Variants in VNN2 observed in about 807,000 individuals in gnomAD.
The protein encoded by VNN2 is vanin 2.
Under a neutral mutation model 43.0 loss-of-function variants are expected in VNN2, and 43 were observed. That is an observed-to-expected ratio of 1.00 (90% CI 0.78 to 1.29). The LOEUF is 1.29. VNN2 is among the 50% of genes most tolerant of loss of function. VNN2 has a pLI of 0.00. For synonymous variants in VNN2, 230 were observed against 224.3 expected (o/e 1.03, Z -0.23); for missense variants, 652 against 619.7 (o/e 1.05, Z -0.55).
chr6:132,755,311 G>C (rs941792940), intron 3 of VNN2, among the ~76,000 whole-genome samples: 3 of 139,006 alleles, frequency 2.2e-5, no homozygotes, highest in Admixed American at 7.2e-5. Flanking sequence ...TTTTTTAACA[G>C]TTCTCTGCCT....
intron 6 of VNN2, among the ~76,000 whole-genome samples, chr6:132,746,673 G>A (rs1022798667): frequency 6.6e-6 from 1 of 152,052 alleles, no homozygotes; most frequent in African/African-American, 2.4e-5. Context: ...TTCCAAGAAT[G>A]CCCAACTCCT....
In VNN2 at chr6:132,744,285, T is replaced by G; in HGVS notation, c.*15A>C. 5.6e-6 allele frequency: 9 copies of G among 1,593,184 alleles called. No homozygotes were observed. Among genetic ancestry groups the G allele is most frequent in the Non-Finnish European group, 7.7e-6 (9 of 1,173,152 alleles). ...CCAAGCATATGATGCAGAAGCTGAG[T>G]GATAAAGAGACGCCCTATAACATTA... On this transcript the variant is annotated 3_prime_UTR_variant, in exon 7 of 7. Transcript: ENST00000326499.
chr6:132,762,436 C>G (rs962162339), upstream of VNN2, among the ~76,000 whole-genome samples: 29 of 152,182 alleles, frequency 1.9e-4, no homozygotes, highest in African/African-American at 6.5e-4. Flanking sequence ...AACTGTTCCT[C>G]TTAATACTGT....
At chr6:132,755,197 G>T (rs925159240) in intron 3 of VNN2, among the ~76,000 whole-genome samples, 7 of 151,310 alleles carry the variant, frequency 4.6e-5, no homozygotes, top group Non-Finnish European at 8.8e-5. Flanking sequence ...TTGAAACAGT[G>T]CCCAGATTAT....
chr6:132,759,438 CAAAAAAAA>C (rs58195059), upstream of VNN2, among the ~76,000 whole-genome samples: 392 of 69,172 alleles, frequency 5.7e-3, no homozygotes, highest in African/African-American at 0.018. Flanking sequence ...AACTCCGTCT[CAAAAAAAA>C]AAAAAAAAAA....
chr6:132,746,220 A>G (rs998854314), intron 6 of VNN2, among the ~76,000 whole-genome samples: 4 of 152,212 alleles, frequency 2.6e-5, no homozygotes, highest in Admixed American at 2.6e-4. Flanking sequence ...ATGTTTCCAC[A>G]TTTGTGGGCA....
chr6:132,761,240 G>A (rs1780731107), upstream of VNN2, among the ~76,000 whole-genome samples: 1 of 151,888 alleles, frequency 6.6e-6, no homozygotes, highest in South Asian at 2.1e-4. Flanking sequence ...TTGATTAATT[G>A]TAATTCGTTG....
In VNN2 at chr6:132,744,405, CT is replaced by C. The variant is rs1562238888; in HGVS notation, c.1457del (p.Lys486ArgfsTer15). ...TVSLFGRWYT[K>X]DSLYSSCGTS... ...TCCCACATGAGCTGTAAAGTGAGTC[CT>C]TTGTGTACCACCTCCCAAAGAGTGA... is the stretch of plus-strand genomic sequence containing the variant. On this transcript the variant is annotated frameshift_variant, in exon 7 of 7. Transcript: ENST00000326499. LOFTEE classifies it low-confidence loss of function (END_TRUNC). 6.2e-7 allele frequency: 1 copy of C among 1,613,436 alleles called. No homozygotes were observed. The highest frequency in any genetic ancestry group is 8.5e-7 in the Non-Finnish European group (1 of 1,179,752).
At chr6:132,747,717 A>G (rs1158661355) in intron 6 of VNN2, among the ~76,000 whole-genome samples, 5 of 152,228 alleles carry the variant, frequency 3.3e-5, no homozygotes, top group African/African-American at 1.2e-4. Flanking sequence ...CTCTTGTATC[A>G]TTCTCTAACT....
intron 6 of VNN2, among the ~76,000 whole-genome samples, chr6:132,745,154 C>T (rs902737784): frequency 1.3e-5 from 2 of 152,092 alleles, no homozygotes; most frequent in East Asian, 1.9e-4. Context: ...TGCACAGGCT[C>T]ATGAGAACAG....
At chr6:132,749,620 A>T in intron 6 of VNN2, 75 bp downstream of exon 6, 1 of 1,364,448 alleles carries the variant, frequency 7.3e-7, no homozygotes. Context: ...GTTAACTGGC[A>T]GAGTGGCTAT....
In VNN2 at chr6:132,752,747, G is replaced by T. The variant is rs764122714; in HGVS notation, c.540C>A (p.Tyr180Ter). The stretch of plus-strand genomic sequence containing the variant: ...TAAACTGAGGCTCAGAGTACAGGTG[G>T]TACTACAACAAATGGATAGGAGAAA... ...EGKLVARYHK[Y>*]HLYSEPQFNV... The change falls in exon 4 of 7, where the codon TAC becomes TAA. Residue 180 changes from tyrosine (Y) to a stop codon, truncating the protein, a stop_gained and splice_region_variant. Coordinates refer to ENST00000326499, the MANE Select transcript of VNN2 (RefSeq NM_004665.6). LOFTEE classifies it high-confidence loss of function. The T allele has an allele frequency of 3.7e-6, 6 of 1,610,440 alleles. No homozygotes were observed. The highest frequency in any genetic ancestry group is 5.1e-6 in the Non-Finnish European group (6 of 1,178,462).
chr6:132,758,007 T>A, upstream of VNN2: 1 of 186,196 alleles, frequency 5.4e-6, no homozygotes, highest in Non-Finnish European at 8.4e-6. Flanking sequence ...ATTTTTCTTC[T>A]TCTTCTTCTT....
upstream of VNN2, among the ~76,000 whole-genome samples, chr6:132,759,454 A>C (rs888446244): frequency 7.4e-5 from 11 of 148,730 alleles, no homozygotes; most frequent in Non-Finnish European, 1.7e-4. Context: ...AAAAAAAAAA[A>C]AAAAAAACAA....
intron 4 of VNN2, 115 bp downstream of exon 4, chr6:132,752,346 T>C (rs1406071226): frequency 1.6e-6 from 2 of 1,259,252 alleles, no homozygotes; most frequent in African/African-American, 1.5e-5. Context: ...TGTGAAACTA[T>C]GACAAACACA....
upstream of VNN2, among the ~76,000 whole-genome samples, chr6:132,759,332 G>C (rs1007109580): frequency 6.6e-6 from 1 of 151,162 alleles, no homozygotes; most frequent in Non-Finnish European, 1.5e-5. Context: ...CCAGCTACTC[G>C]GGAGGCTGAG....
At chr6:132,745,078 C>A (rs1190903856) in intron 6 of VNN2, among the ~76,000 whole-genome samples, 2 of 152,174 alleles carry the variant, frequency 1.3e-5, no homozygotes. Flanking sequence ...GTGTGTGTGA[C>A]AGATCAAGGC....
chr6:132,750,670 AAAAAAGAAAAAGAAAAG>A (rs1411687151), intron 5 of VNN2, among the ~76,000 whole-genome samples: 1 of 150,404 alleles, frequency 6.6e-6, no homozygotes, highest in Non-Finnish European at 1.5e-5. Context: ...TCAAAAAAAA[AAAAAAGAAAAAGAAAAG>A]AAAAGAAAAA....
chr6:132,751,754 T>C (rs893073990), intron 4 of VNN2, among the ~76,000 whole-genome samples: 6 of 152,266 alleles, frequency 3.9e-5, no homozygotes, highest in Non-Finnish European at 8.8e-5. Context: ...TAGCATTATT[T>C]ATTAGCATTA....
Sources: allele counts gnomAD v4.1 joint callset (sites outside exome capture counted in the v4.1 genomes callset), GRCh38; gene constraint gnomAD v4.1.1; transcripts MANE v1.5; gene names NCBI Gene and HGNC (gene_info 2026-07-23, HGNC 2026-07-21).